SYT16: variants seen among roughly 807,000 people sequenced by gnomAD.
SYT16 encodes the protein synaptotagmin-16.
Under a neutral mutation model 61.4 loss-of-function variants are expected in SYT16, and 42 were observed. That is an observed-to-expected ratio of 0.68 (90% CI 0.53 to 0.89). SYT16 has a LOEUF of 0.89. SYT16 is among the 40% of genes least tolerant of loss of function. The pLI is 0.00. For synonymous variants in SYT16, 314 were observed against 302.3 expected (o/e 1.04, Z -0.40); for missense variants, 804 against 807.3 (o/e 1.00, Z 0.05).
At chr14:62,032,991 C>G (rs866076164) in intron 3 of SYT16, among the ~76,000 whole-genome samples, 51 of 146,200 alleles carry the variant, frequency 3.5e-4, no homozygotes, top group South Asian at 4.4e-4. Flanking sequence ...TCATAAATTA[C>G]AATTTAACAA....
At chr14:61,834,749 T>A (rs985437125) in intron 1 of SYT16, among the ~76,000 whole-genome samples, 1 of 152,186 alleles carries the variant, frequency 6.6e-6, no homozygotes, top group African/African-American at 2.4e-5. Context: ...GATTCACATT[T>A]GATATACCAG....
intron 7 of SYT16, among the ~76,000 whole-genome samples, chr14:62,091,466 C>T (rs372410815): frequency 6.6e-6 from 1 of 151,960 alleles, no homozygotes; most frequent in African/African-American, 2.4e-5. Context: ...AAAACAGGAG[C>T]GGTAGGAAAA....
At position 61,943,793 on chromosome 14, in the gene SYT16, T is replaced by C. The variant is rs560425106; in HGVS notation, c.-324-26339T>C. On this transcript the variant is annotated intron_variant, in intron 1 of 7. Transcript: ENST00000683842. The stretch of plus-strand genomic sequence containing the variant: ...CCAATGTCATATTGAATGGGCAAAA[T>C]GTGGAAGCATTCCCTTTGAAAACCG... Among the ~76,000 whole-genome samples, 270 of 152,196 alleles carry C rather than the reference T, an allele frequency of 1.8e-3. 1 individual carries two copies. Among genetic ancestry groups the C allele is most frequent in the African/African-American group, 6.1e-3 (253 of 41,524 alleles).
At chr14:61,888,787 A>G (rs2048013994) in intron 1 of SYT16, among the ~76,000 whole-genome samples, 1 of 149,726 alleles carries the variant, frequency 6.7e-6, no homozygotes. Flanking sequence ...AAAAAAAAAA[A>G]GCAATATCTG....
intron 1 of SYT16, among the ~76,000 whole-genome samples, chr14:61,893,522 T>C (rs750398960): frequency 5.3e-5 from 8 of 152,224 alleles, no homozygotes; most frequent in Non-Finnish European, 1.2e-4. Context: ...TTTCCTCCTC[T>C]CATATACTGT....
chr14:62,044,099 C>A (rs536783906), intron 3 of SYT16, among the ~76,000 whole-genome samples: 2 of 151,502 alleles, frequency 1.3e-5, no homozygotes, highest in South Asian at 4.2e-4. Context: ...AACTTGGAGG[C>A]TGAGGAGGGA....
chr14:62,043,826 C>CT (rs1339334849), intron 3 of SYT16, among the ~76,000 whole-genome samples: 1 of 152,072 alleles, frequency 6.6e-6, no homozygotes, highest in Admixed American at 6.6e-5. Flanking sequence ...ACTTAAACTT[C>CT]TTTGCATGAC....
In SYT16 at chr14:62,108,357, T is replaced by A. The variant is rs1431917536; in HGVS notation, c.*7650T>A. On this transcript the variant is annotated 3_prime_UTR_variant, in exon 8 of 8. Transcript: ENST00000683842. ...TAGTCCATAATAAAAAATGTACATA[T>A]CTTGTTTAAAAAAGACCTTGATGTT... The A allele has an allele frequency of 2.0e-5, 3 of 152,182 alleles. No homozygotes were observed. Among genetic ancestry groups the A allele is most frequent in the African/African-American group, 7.2e-5 (3 of 41,448 alleles). The allele number at this position is 152,182 out of a possible 1,614,324, so 9.4% of individuals were successfully genotyped here. A position where few individuals can be genotyped will look rare whatever the true frequency, so the allele number is the denominator to read the frequency against.
At position 62,101,575 on chromosome 14, in the gene SYT16, T is replaced by C. The variant is rs2057419577; in HGVS notation, c.*868T>C. The C allele has an allele frequency of 6.6e-6, 1 of 152,214 alleles. No individual in the cohort carries two copies. 9.4% of individuals were successfully genotyped at this position (152,214 alleles called of 1,614,324 possible). On this transcript the variant is annotated 3_prime_UTR_variant, in exon 8 of 8. Transcript: ENST00000683842. ...ATTATCCTTTTTCTATGTTCAATTA[T>C]ATATACTCATATATGAATATTTTGA...
At chr14:62,068,385 CAAAACAA>C (rs967599323) in intron 3 of SYT16, among the ~76,000 whole-genome samples, 1 of 151,390 alleles carries the variant, frequency 6.6e-6, no homozygotes, top group Non-Finnish European at 1.5e-5. Context: ...CAAAACAAAA[CAAAACAA>C]AACAAAACAA....
intron 1 of SYT16, among the ~76,000 whole-genome samples, chr14:61,920,844 G>A (rs1333934628): frequency 6.6e-6 from 1 of 152,184 alleles, no homozygotes; most frequent in Non-Finnish European, 1.5e-5. Flanking sequence ...TACAGGTGAG[G>A]AAATTGAGGC....
At chr14:62,029,206 G>A (rs554087532) in intron 3 of SYT16, among the ~76,000 whole-genome samples, 14 of 152,270 alleles carry the variant, frequency 9.2e-5, no homozygotes, top group Non-Finnish European at 1.9e-4. Flanking sequence ...TCAGCTCACT[G>A]CAACCTCTGC....
chr14:61,836,483 T>C (rs1363290992), intron 1 of SYT16, among the ~76,000 whole-genome samples: 1 of 152,222 alleles, frequency 6.6e-6, no homozygotes, highest in Admixed American at 6.5e-5. Context: ...CAGTCTAAAA[T>C]TGAATATTAA....
chr14:61,967,611 C>T (rs2051367352), intron 1 of SYT16, among the ~76,000 whole-genome samples: 1 of 152,134 alleles, frequency 6.6e-6, no homozygotes, highest in African/African-American at 2.4e-5. Context: ...TTCATCTCTC[C>T]ATGCCTTCTT....
In SYT16 at chr14:62,097,770, G is replaced by T. The variant is rs935252415; in HGVS notation, c.1625-2624G>T. On this transcript the variant is annotated intron_variant, in intron 7 of 7. Transcript: ENST00000683842. ...CTCATAATTAGAAAATACTCTTATGGCAGGATAAAGCTTGAAATTGCTCTC... is the reference window on the plus strand; with the variant it reads ...CTCATAATTAGAAAATACTCTTATGTCAGGATAAAGCTTGAAATTGCTCTC... Among the ~76,000 whole-genome samples, 11 of 152,240 alleles carry T rather than the reference G, an allele frequency of 7.2e-5. 1 individual carries two copies. Among genetic ancestry groups the T allele is most frequent in the African/African-American group, 1.9e-4 (8 of 41,540 alleles).
chr14:61,946,346 C>G (rs887261067), intron 1 of SYT16, among the ~76,000 whole-genome samples: 4 of 152,088 alleles, frequency 2.6e-5, no homozygotes, highest in Admixed American at 6.5e-5. Context: ...AATAAGTACA[C>G]ATGGATATGC....
At chr14:61,908,319 A>T (rs2048802173) in intron 1 of SYT16, among the ~76,000 whole-genome samples, 8 of 152,250 alleles carry the variant, frequency 5.3e-5, no homozygotes, top group Admixed American at 5.2e-4. Flanking sequence ...TTGTCTGATC[A>T]TAAGAATTAT....
intron 2 of SYT16, among the ~76,000 whole-genome samples, chr14:61,990,218 A>G (rs535198083): frequency 6.6e-6 from 1 of 152,180 alleles, no homozygotes; most frequent in Non-Finnish European, 1.5e-5. Flanking sequence ...TACCAGGTCT[A>G]TGCAAAATGT....
At chr14:62,049,976 C>T (rs1324562702) in intron 3 of SYT16, among the ~76,000 whole-genome samples, 1 of 152,112 alleles carries the variant, frequency 6.6e-6, no homozygotes, top group Non-Finnish European at 1.5e-5. Flanking sequence ...CAAAGAGTAT[C>T]TTTGTGGCAT....
Sources: allele counts gnomAD v4.1 joint callset (sites outside exome capture counted in the v4.1 genomes callset), GRCh38; gene constraint gnomAD v4.1.1; transcripts MANE v1.5; gene names NCBI Gene and HGNC (gene_info 2026-07-23, HGNC 2026-07-21).